Variants in EFEMP1 observed in about 807,000 individuals in gnomAD.
EFEMP1 encodes the protein EGF-containing fibulin-like extracellular matrix protein 1.
Under a neutral mutation model 65.7 loss-of-function variants are expected in EFEMP1, and 18 were observed. The observed-to-expected ratio is 0.27, with a 90% CI of 0.19 to 0.41. EFEMP1 has a LOEUF of 0.41. Among genes scored for constraint, EFEMP1 ranks in the 10% least tolerant of loss-of-function variants. EFEMP1 has a pLI of 1.00. For missense variants in EFEMP1, 469 were observed against 624.8 expected (o/e 0.75, Z 2.66); for synonymous variants, 237 against 219.7 (o/e 1.08, Z -0.70).
At position 55,917,850 on chromosome 2, in the gene EFEMP1, C is replaced by G; in HGVS notation, c.332G>C (p.Gly111Ala). 1.2e-6 allele frequency: 2 copies of G among 1,614,254 alleles called. No individual in the cohort carries two copies. The highest frequency in any genetic ancestry group is 1.7e-6 in the Non-Finnish European group (2 of 1,180,044). Reference protein sequence around the residue: ...VVAASSMATSGVLPGGGFVAS... With the variant: ...VVAASSMATSAVLPGGGFVAS... The stretch of plus-strand genomic sequence containing the variant: ...CACAAAACCACCCCCGGGCAACACT[C>G]CACTGGTTGCCATGCTGCTGGCAGC... Residue 111 changes from glycine (G) to alanine (A), a missense_variant, in exon 5 of 12, where the codon GGA (glycine) becomes GCA (alanine). Physicochemically the swap from Gly to Ala is moderately conservative, Grantham distance 60. Coordinates refer to ENST00000355426, the MANE Select transcript of EFEMP1 (RefSeq NM_001039348.3). The surrounding 1 kb of genome is among the most constrained non-coding windows in gnomAD (Gnocchi z 6.3).
chr2:55,878,392 A>C (rs1669115002), intron 6 of EFEMP1, among the ~76,000 whole-genome samples: 1 of 152,190 alleles, frequency 6.6e-6, no homozygotes, highest in Non-Finnish European at 1.5e-5. Context: ...CTGTGGAAGA[A>C]TTGGATGCTA....
intron 5 of EFEMP1, among the ~76,000 whole-genome samples, chr2:55,894,793 A>G (rs1328064660): frequency 6.6e-6 from 1 of 152,190 alleles, no homozygotes; most frequent in Non-Finnish European, 1.5e-5. Flanking sequence ...TGTAAGAGAG[A>G]GTATTAACAA....
At chr2:55,879,403 C>T (rs1351588153) in intron 6 of EFEMP1, among the ~76,000 whole-genome samples, 1 of 152,152 alleles carries the variant, frequency 6.6e-6, no homozygotes, top group East Asian at 1.9e-4. Context: ...CTAATAGCTC[C>T]ACGAGGGCTA....
intron 5 of EFEMP1, among the ~76,000 whole-genome samples, chr2:55,913,140 G>C (rs1465192069): frequency 6.6e-6 from 1 of 152,112 alleles, no homozygotes; most frequent in Non-Finnish European, 1.5e-5. Flanking sequence ...TGGCTCTAAC[G>C]TTAGGACTTC....
intron 5 of EFEMP1, among the ~76,000 whole-genome samples, chr2:55,896,671 C>A (rs2104417664): frequency 6.6e-6 from 1 of 152,206 alleles, no homozygotes; most frequent in Non-Finnish European, 1.5e-5. Flanking sequence ...ATAAAATTAT[C>A]CAGACAGGTT....
At chr2:55,901,652 A>G (rs530530415) in intron 5 of EFEMP1, among the ~76,000 whole-genome samples, 30 of 152,248 alleles carry the variant, frequency 2.0e-4, no homozygotes, top group African/African-American at 6.5e-4. Flanking sequence ...TTTAACTCTA[A>G]ATGGTTGGAG....
chr2:55,908,300 C>T (rs1276687231), intron 5 of EFEMP1, among the ~76,000 whole-genome samples: 1 of 152,116 alleles, frequency 6.6e-6, no homozygotes, highest in Non-Finnish European at 1.5e-5. Flanking sequence ...AGTTTCTTCG[C>T]AGTATCAGAG....
At chr2:55,907,892 G>T (rs1400028842) in intron 5 of EFEMP1, among the ~76,000 whole-genome samples, 1 of 152,180 alleles carries the variant, frequency 6.6e-6, no homozygotes, top group Non-Finnish European at 1.5e-5. Flanking sequence ...CTCCTGTCAT[G>T]ATTCTCATTT....
At chr2:55,892,233 A>T (rs1439321266) in intron 5 of EFEMP1, among the ~76,000 whole-genome samples, 1 of 152,172 alleles carries the variant, frequency 6.6e-6, no homozygotes, top group Non-Finnish European at 1.5e-5. Flanking sequence ...GGACAGAAAT[A>T]AGTTTCTCAG....
intron 5 of EFEMP1, among the ~76,000 whole-genome samples, chr2:55,899,977 C>G (rs574452297): frequency 9.9e-5 from 15 of 151,796 alleles, no homozygotes; most frequent in Non-Finnish European, 1.9e-4. Context: ...TTTTTTTCCC[C>G]TAAAGAAACC....
intron 5 of EFEMP1, among the ~76,000 whole-genome samples, chr2:55,911,622 G>A (rs983131746): frequency 1.3e-5 from 2 of 152,044 alleles, no homozygotes; most frequent in African/African-American, 4.8e-5. Context: ...AGTCAGTCTG[G>A]GGTGGGACCT....
In EFEMP1 at chr2:55,867,197, T is replaced by A; in HGVS notation, c.1358A>T (p.Lys453Met). The change falls in exon 12 of 12, where the codon AAG becomes ATG. Residue 453 changes from lysine (K) to methionine (M), a missense_variant. Transcript: ENST00000355426. The surrounding 1 kb of genome is among the most constrained non-coding windows in gnomAD (Gnocchi z 4.3). ...SPVSAMLVLV[K>M]SLSGPREHIV... Reference sequence around the variant, plus strand: ...ATGTTCTCTTGGTCCTGATAATGACTTCACGAGCACAAGCATTGCACTTAC... The same window carrying A: ...ATGTTCTCTTGGTCCTGATAATGACATCACGAGCACAAGCATTGCACTTAC... The A allele has an allele frequency of 6.2e-7, 1 of 1,614,004 alleles. No homozygotes were observed. Among genetic ancestry groups the A allele is most frequent in the South Asian group, 1.1e-5 (1 of 91,076 alleles).
In EFEMP1 at chr2:55,883,396, A is replaced by G. The variant is rs1046308610; in HGVS notation, c.518-1662T>C. On this transcript the variant is annotated intron_variant, in intron 5 of 11. Transcript: ENST00000355426. The surrounding 1 kb of genome is among the most constrained non-coding windows in gnomAD (Gnocchi z 4.5). ...TTTGTGTCTTTTATTATTTTCTCAG[A>G]TGCACTTGATGAAAACCTTTTTACT... Among the ~76,000 whole-genome samples the G allele has an allele frequency of 2.0e-5, 3 of 152,166 alleles. No homozygotes were observed. Among genetic ancestry groups the G allele is most frequent in the African/African-American group, 7.2e-5 (3 of 41,446 alleles).
chr2:55,920,048 C>G (rs1043607798), intron 3 of EFEMP1, among the ~76,000 whole-genome samples: 3 of 152,212 alleles, frequency 2.0e-5, no homozygotes, highest in Non-Finnish European at 1.5e-5. Context: ...ACCTGCAGAT[C>G]TCTCATCATC....
At chr2:55,912,556 G>T (rs1359698687) in intron 5 of EFEMP1, among the ~76,000 whole-genome samples, 1 of 152,158 alleles carries the variant, frequency 6.6e-6, no homozygotes, top group Non-Finnish European at 1.5e-5. Context: ...TTTCAAAAGA[G>T]TAGTTTAGTT....
intron 3 of EFEMP1, 107 bp from the exon 4 acceptor site, chr2:55,918,374 T>C: frequency 7.6e-7 from 1 of 1,313,394 alleles, no homozygotes; most frequent in Non-Finnish European, 1.1e-6. Flanking sequence ...ATCCTTGTGC[T>C]AAAGTCCTAG....
intron 9 of EFEMP1, among the ~76,000 whole-genome samples, chr2:55,872,407 G>A (rs1474429359): frequency 6.6e-6 from 1 of 152,064 alleles, no homozygotes; most frequent in Non-Finnish European, 1.5e-5. Context: ...TAAACTCCTT[G>A]AGGGCAAGGG....
At chr2:55,884,064 C>T (rs1030141728) in intron 5 of EFEMP1, among the ~76,000 whole-genome samples, 1 of 152,124 alleles carries the variant, frequency 6.6e-6, no homozygotes, top group African/African-American at 2.4e-5. Flanking sequence ...AAAGTGACCT[C>T]TGTGACCAGG....
chr2:55,890,059 C>T (rs1437756285), intron 5 of EFEMP1, among the ~76,000 whole-genome samples: 1 of 151,746 alleles, frequency 6.6e-6, no homozygotes, highest in African/African-American at 2.4e-5. Flanking sequence ...GATTAAAAAA[C>T]AAAACCCAAA....
Sources: gnomAD v4.1 joint callset for allele counts (sites outside exome capture counted in the v4.1 genomes callset) on GRCh38, gnomAD v4.1.1 for gene constraint, Gnocchi (gnomAD v3.1) non-coding constraint, MANE v1.5 for transcripts, NCBI Gene and HGNC (gene_info 2026-07-23, HGNC 2026-07-21) for gene names.